SORCS2: variants seen among roughly 807,000 people sequenced by gnomAD.
The protein encoded by SORCS2 is VPS10 domain-containing receptor SorCS2.
SORCS2 carries 100 observed loss-of-function variants against 141.6 expected under a neutral mutation model. That is an observed-to-expected ratio of 0.71 (90% CI 0.60 to 0.83). SORCS2 has a LOEUF of 0.83. Among genes scored for constraint, SORCS2 ranks in the 40% least tolerant of loss-of-function variants. SORCS2 has a pLI of 0.00. For synonymous variants in SORCS2, 789 were observed against 676.9 expected, an observed-to-expected ratio of 1.17 and a Z score of -2.57; for missense variants, 1,646 against 1,560.2, an observed-to-expected ratio of 1.05 and a Z score of -0.93.
chr4:7,195,798 C>T (rs1291396999), intron 1 of SORCS2, among the ~76,000 whole-genome samples: 1 of 152,232 alleles, frequency 6.6e-6, no homozygotes, highest in Non-Finnish European at 1.5e-5. Context: ...TGCTTGAAAG[C>T]ACCATCTTTG....
intron 1 of SORCS2, among the ~76,000 whole-genome samples, chr4:7,226,236 G>A (rs992924594): frequency 4.6e-5 from 7 of 152,140 alleles, no homozygotes; most frequent in African/African-American, 1.4e-4. Flanking sequence ...CCTGGGAGGT[G>A]GCCTCACTGA....
chr4:7,673,221 G>A (rs990972616), intron 8 of SORCS2, among the ~76,000 whole-genome samples: 17 of 152,214 alleles, frequency 1.1e-4, no homozygotes, highest in Admixed American at 3.3e-4. Flanking sequence ...TACTGCTGGT[G>A]GGGGAGATAC....
At chr4:7,699,436 G>A (rs1417907077) in intron 12 of SORCS2, among the ~76,000 whole-genome samples, 6 of 152,184 alleles carry the variant, frequency 3.9e-5, no homozygotes, top group African/African-American at 9.7e-5. Context: ...TGGGGCAGGC[G>A]TCCAGGTGTC....
At chr4:7,433,290 G>C (rs377581924) in intron 2 of SORCS2, 2 of 1,368,792 alleles carry the variant, frequency 1.5e-6, no homozygotes, top group Non-Finnish European at 1.9e-6. Flanking sequence ...TCGCTAGCAG[G>C]CTCTGGGTCT....
At chr4:7,437,679 G>A (rs1049544344) in intron 2 of SORCS2, among the ~76,000 whole-genome samples, 1 of 152,056 alleles carries the variant, frequency 6.6e-6, no homozygotes, top group Non-Finnish European at 1.5e-5. Context: ...CCAAGGGTTG[G>A]AGCTCTGTGC....
intron 1 of SORCS2, among the ~76,000 whole-genome samples, chr4:7,269,038 C>T (rs569664493): frequency 3.9e-5 from 6 of 152,088 alleles, no homozygotes; most frequent in South Asian, 2.1e-4. Flanking sequence ...GTTGGCAGAG[C>T]GGGGGTTGAG....
chr4:7,345,880 G>A (rs530408375), intron 1 of SORCS2, among the ~76,000 whole-genome samples: 86 of 152,232 alleles, frequency 5.6e-4, no homozygotes, highest in African/African-American at 1.8e-3. Flanking sequence ...TCCCTCCGGT[G>A]GGTACCTGCC....
At chr4:7,602,733 C>G (rs537064039) in intron 3 of SORCS2, among the ~76,000 whole-genome samples, 1 of 151,972 alleles carries the variant, frequency 6.6e-6, no homozygotes, top group African/African-American at 2.4e-5. Flanking sequence ...CAGGCAGAGA[C>G]GCTCCTCACT....
chr4:7,581,848 G>A (rs1254736714), intron 3 of SORCS2, among the ~76,000 whole-genome samples: 3 of 152,144 alleles, frequency 2.0e-5, no homozygotes, highest in Non-Finnish European at 1.5e-5. Context: ...ATATCAAAAA[G>A]CAGGTTACTC....
At chr4:7,297,135 G>C (rs1024022593) in intron 1 of SORCS2, among the ~76,000 whole-genome samples, 1 of 152,148 alleles carries the variant, frequency 6.6e-6, no homozygotes, top group Non-Finnish European at 1.5e-5. Context: ...TCCCTCTCTG[G>C]GCATCTCCTC....
chr4:7,309,449 C>T (rs1046235012), intron 1 of SORCS2, among the ~76,000 whole-genome samples: 3 of 152,220 alleles, frequency 2.0e-5, no homozygotes, highest in African/African-American at 7.2e-5. Flanking sequence ...GAGGCAGGTC[C>T]CGATCAAAAG....
At chr4:7,592,441 C>T (rs1577805416) in intron 3 of SORCS2, among the ~76,000 whole-genome samples, 1 of 152,164 alleles carries the variant, frequency 6.6e-6, no homozygotes, top group Non-Finnish European at 1.5e-5. Flanking sequence ...CTCACCAGCA[C>T]CCAGCTCCCT....
intron 10 of SORCS2, among the ~76,000 whole-genome samples, chr4:7,687,446 C>T (rs983610633): frequency 2.0e-5 from 3 of 152,170 alleles, no homozygotes; most frequent in African/African-American, 4.8e-5. Context: ...TCTATTGCAG[C>T]GGGCAACGTC....
intron 2 of SORCS2, among the ~76,000 whole-genome samples, chr4:7,443,228 C>T (rs571262639): frequency 6.6e-6 from 1 of 152,302 alleles, no homozygotes; most frequent in East Asian, 1.9e-4. Context: ...TTCCACCCTC[C>T]ACTGATGGAT....
chr4:7,736,945 C>A, intron 25 of SORCS2, 124 bp from the exon 26 acceptor site: 2 of 1,285,936 alleles, frequency 1.6e-6, no homozygotes, highest in Non-Finnish European at 2.1e-6. Flanking sequence ...GGGGTAGGCA[C>A]CTCTGGAGTG....
At chr4:7,519,726 G>A (rs1042179091) in intron 2 of SORCS2, among the ~76,000 whole-genome samples, 9 of 152,290 alleles carry the variant, frequency 5.9e-5, no homozygotes, top group East Asian at 5.8e-4. Context: ...GGAGGTCCCC[G>A]CAGCACCCAC....
At chr4:7,469,223 C>CGGTGGTGATAGTGATGATGGTGATGGA (rs1729821761) in intron 2 of SORCS2, among the ~76,000 whole-genome samples, 1 of 147,574 alleles carries the variant, frequency 6.8e-6, no homozygotes. Flanking sequence ...CTGTTGATGG[C>CGGTGGTGATAGTGATGATGGTGATGGA]GGTGGTGATA....
In SORCS2 at chr4:7,390,474, C is replaced by T. The variant is rs576676681; in HGVS notation, c.481-5814C>T. ...TCCTGAAGAGCAAACCTGGTAAAGA[C>T]GAAGCTTGGGGGAACTGGGCGCTCA... On this transcript the variant is annotated intron_variant, in intron 1 of 26. Coordinates refer to ENST00000507866, the MANE Select transcript of SORCS2 (RefSeq NM_020777.3). 6.6e-4 allele frequency among the ~76,000 whole-genome samples: 101 copies of T among 152,286 alleles called. 1 individual carries two copies. The highest frequency in any genetic ancestry group is 1.3e-3 in the Non-Finnish European group (86 of 68,026).
intron 1 of SORCS2, among the ~76,000 whole-genome samples, chr4:7,296,481 TG>T (rs1364133804): frequency 6.6e-6 from 1 of 152,098 alleles, no homozygotes; most frequent in African/African-American, 2.4e-5. Flanking sequence ...CAGAGAGGGT[TG>T]GGGCCCTCTG....
Sources: allele counts gnomAD v4.1 joint callset (sites outside exome capture counted in the v4.1 genomes callset), GRCh38; gene constraint gnomAD v4.1.1; transcripts MANE v1.5; gene names NCBI Gene and HGNC (gene_info 2026-07-23, HGNC 2026-07-21).